The following CBR3 variants were observed in gnomAD, a reference collection of about 807,000 sequenced individuals.
The protein encoded by CBR3 is carbonyl reductase [NADPH] 3.
Under a neutral mutation model 11.6 loss-of-function variants are expected in CBR3, and 14 were observed. That is an observed-to-expected ratio of 1.20 (90% CI 0.79 to 1.88). CBR3 has a LOEUF of 1.88. Ranked by LOEUF, CBR3 falls within the 40% of genes most tolerant of loss-of-function variation. CBR3 has a pLI of 0.00. For missense variants in CBR3, 308 were observed against 357.3 expected (o/e 0.86, Z 1.11); for synonymous variants, 125 against 145.6 (o/e 0.86, Z 1.02).
intron 1 of CBR3, 194 bp downstream of exon 1, chr21:36,135,675 G>A: frequency 1.8e-6 from 1 of 564,152 alleles, no homozygotes; most frequent in East Asian, 3.3e-5. Context: ...GGGCCCGGGC[G>A]ACAAACAGCG....
intron 2 of CBR3, among the ~76,000 whole-genome samples, chr21:36,142,431 CAAAAA>C (rs71326645): frequency 2.5e-5 from 1 of 40,424 alleles, no homozygotes; most frequent in Non-Finnish European, 4.2e-5. Context: ...GACTCCATCT[CAAAAA>C]AAAAAAAAAA....
chr21:36,139,561 T>C (rs1283216018), intron 2 of CBR3, among the ~76,000 whole-genome samples: 2 of 152,124 alleles, frequency 1.3e-5, no homozygotes, highest in African/African-American at 4.8e-5. Flanking sequence ...TTTATATTTT[T>C]AGTAGAGACA....
intron 2 of CBR3, chr21:36,141,284 A>G (rs1006960541): frequency 7.1e-6 from 1 of 140,136 alleles, no homozygotes; most frequent in African/African-American, 2.6e-5. Flanking sequence ...AAATGCATTT[A>G]ACGCATCTGA....
In CBR3 at chr21:36,144,392, AGGTTGC is replaced by A. The variant is rs1421598345; in HGVS notation, c.398-1683_398-1678del. ...AGAATCACTTGATCCTGGGAGGCGG[AGGTTGC>A]AGTGAGCCGAGATTGTGCCACTGCA... On this transcript the variant is annotated intron_variant, in intron 2 of 2. Coordinates refer to ENST00000290354, the MANE Select transcript of CBR3 (RefSeq NM_001236.4). Among the ~76,000 whole-genome samples the A allele has an allele frequency of 1.4e-4, 21 of 152,276 alleles. 1 individual carries two copies. Among genetic ancestry groups the A allele is most frequent in the African/African-American group, 4.8e-4 (20 of 41,570 alleles).
At position 36,135,362 on chromosome 21, in the gene CBR3, C is replaced by T. The variant is rs768120895; in HGVS notation, c.170C>T (p.Pro57Leu). Residue 57 changes from proline (P) to leucine (L), a missense_variant, in exon 1 of 3, where the codon CCG becomes CTG. Pro to Leu is a moderately conservative substitution (Grantham distance 98, BLOSUM62 -3). Coordinates refer to ENST00000290354, the MANE Select transcript of CBR3 (RefSeq NM_001236.4). ...VQQLQAEGLS[P>L]RFHQLDIDDL... ...CAGCTGCAGGCGGAGGGCCTGAGCC[C>T]GCGCTTCCACCAACTGGACATCGAC... 5.6e-6 allele frequency: 9 copies of T among 1,612,814 alleles called. No individual in the cohort carries two copies. The South Asian group carries it at 6.6e-5, about 12-fold the overall frequency.
chr21:36,140,941 G>A (rs543343134), intron 2 of CBR3, among the ~76,000 whole-genome samples: 1 of 144,718 alleles, frequency 6.9e-6, no homozygotes, highest in Non-Finnish European at 1.5e-5. Flanking sequence ...CCGGGAGGCG[G>A]AACTTGCAGT....
At chr21:36,140,091 G>A (rs113854565) in intron 2 of CBR3, among the ~76,000 whole-genome samples, 1 of 151,958 alleles carries the variant, frequency 6.6e-6, no homozygotes, top group African/African-American at 2.4e-5. Context: ...GTTTCACCAT[G>A]TTGGCCAGCT....
chr21:36,135,593 C>A (rs2065652943), intron 1 of CBR3, 112 bp downstream of exon 1: 3 of 1,031,916 alleles, frequency 2.9e-6, no homozygotes, highest in Non-Finnish European at 4.1e-6. Flanking sequence ...TGGCGCCGAC[C>A]CCTAGGGATG....
intron 2 of CBR3, chr21:36,138,474 T>A (rs1397987829): frequency 6.5e-6 from 1 of 152,816 alleles, no homozygotes; most frequent in Non-Finnish European, 1.5e-5. Flanking sequence ...CAAAGATAAG[T>A]GTGACATATC....
chr21:36,136,301 T>C (rs1398238945), intron 1 of CBR3, among the ~76,000 whole-genome samples: 2 of 80,184 alleles, frequency 2.5e-5, no homozygotes. Flanking sequence ...AGAGCGAGAC[T>C]CCGTATGAAA....
chr21:36,144,574 C>T (rs2065740082), intron 2 of CBR3, among the ~76,000 whole-genome samples: 1 of 86,720 alleles, frequency 1.2e-5, no homozygotes, highest in African/African-American at 4.7e-5. Flanking sequence ...TTGCAGTGAG[C>T]CGAGATTGTG....
At chr21:36,144,283 C>T (rs1285223458) in intron 2 of CBR3, among the ~76,000 whole-genome samples, 1 of 152,044 alleles carries the variant, frequency 6.6e-6, no homozygotes, top group African/African-American at 2.4e-5. Context: ...ATGGTGAAAC[C>T]TCATCTCTAC....
Position 36,135,376 on chromosome 21 carries a change from C to CT in CBR3, c.185dup (p.Asp63GlyfsTer36), listed in dbSNP as rs776641926. On this transcript the variant is annotated frameshift_variant, in exon 1 of 3. Transcript: ENST00000290354. LOFTEE classifies it high-confidence loss of function. ...GGGCCTGAGCCCGCGCTTCCACCAA[C>CT]TGGACATCGACGACTTGCAGAGCAT... is the stretch of plus-strand genomic sequence containing the variant. 8.7e-6 allele frequency: 14 copies of CT among 1,613,142 alleles called. 1 individual carries two copies. The African/African-American group carries it at 1.1e-4, about 12-fold the overall frequency.
chr21:36,135,344 A>T lies in CBR3; in HGVS notation c.152A>T (p.Gln51Leu). The change falls in exon 1 of 3, where the codon CAG becomes CTG. Residue 51 changes from glutamine (Q) to leucine (L), a missense_variant. Coordinates refer to ENST00000290354, the MANE Select transcript of CBR3 (RefSeq NM_001236.4). ...GGCCAGGCGGCCGTGCAGCAGCTGC[A>T]GGCGGAGGGCCTGAGCCCGCGCTTC... ...ARGQAAVQQLQAEGLSPRFHQ... is the reference protein window; with the variant it reads ...ARGQAAVQQLLAEGLSPRFHQ... 6.2e-7 allele frequency: 1 copy of T among 1,612,544 alleles called. No homozygotes were observed.
intron 2 of CBR3, among the ~76,000 whole-genome samples, chr21:36,139,891 T>TC (rs2065695413): frequency 7.0e-6 from 1 of 142,580 alleles, no homozygotes; most frequent in Admixed American, 7.0e-5. Context: ...CTTTTTTTTT[T>TC]TTTTTTTTTT....
rs994818717 is a variant in CBR3 at position 36,139,432 on chromosome 21, A to G, written c.397+1500A>G. 2.9e-5 allele frequency among the ~76,000 whole-genome samples: 4 copies of G among 137,338 alleles called. No individual in the cohort carries two copies. The South Asian group carries it at 9.1e-4, about 31-fold the overall frequency. 90.1% of individuals were successfully genotyped at this position (137,338 alleles called of 152,430 possible). On this transcript the variant is annotated intron_variant, in intron 2 of 2. Transcript: ENST00000290354. ...AGTTTCGCTCTGTTGCCCAGGCTGG[A>G]GTGCAGTGACAGGATCTCAGCTCAC...
chr21:36,142,265 T>C (rs111871333), intron 2 of CBR3, among the ~76,000 whole-genome samples: 1 of 151,782 alleles, frequency 6.6e-6, no homozygotes, highest in African/African-American at 2.4e-5. Context: ...ACCCCGTCTC[T>C]ACTAAAAATA....
At chr21:36,137,536 AAGGAAGGAAGGAAGGAAGGAAG>A (rs1378984833) in intron 1 of CBR3, 2 of 253,284 alleles carry the variant, frequency 7.9e-6, no homozygotes, top group African/African-American at 4.6e-5. Flanking sequence ...GGAAGGAAGG[AAGGAAGGAAGGAAGGAAGGAAG>A]GAAAGAAAAT....
chr21:36,142,436 A>AAAGAAAAAAAAAAC (rs1555883299), intron 2 of CBR3, among the ~76,000 whole-genome samples: 3 of 119,628 alleles, frequency 2.5e-5, no homozygotes, highest in Non-Finnish European at 5.2e-5. Context: ...CATCTCAAAA[A>AAAGAAAAAAAAAAC]AAAAAAAAAA....
Sources: allele counts gnomAD v4.1 joint callset (sites outside exome capture counted in the v4.1 genomes callset), GRCh38; gene constraint gnomAD v4.1.1; transcripts MANE v1.5; gene names NCBI Gene and HGNC (gene_info 2026-07-23, HGNC 2026-07-21).